The following EPC1 variants were observed in gnomAD, a reference collection of about 807,000 sequenced individuals.
EPC1 encodes enhancer of polycomb 1, also known as enhancer of polycomb homolog 1.
A neutral mutation model predicts 98.4 loss-of-function variants in EPC1; 12 were observed. The ratio of observed to expected loss-of-function variants is 0.12; its 90% CI spans 0.08 to 0.20. The LOEUF (loss-of-function observed/expected upper bound fraction) is 0.20. Among genes scored for constraint, EPC1 ranks in the 10% least tolerant of loss-of-function variants. EPC1 has a pLI of 1.00. For synonymous variants in EPC1, 357 were observed against 363.9 expected (o/e 0.98, Z 0.21); for missense variants, 729 against 990.5 (o/e 0.74, Z 3.54).
intron 6 of EPC1, among the ~76,000 whole-genome samples, chr10:32,288,763 T>C (rs192482857): frequency 1.3e-5 from 2 of 152,052 alleles, no homozygotes; most frequent in South Asian, 2.1e-4. Context: ...CAAAATCATG[T>C]AGGGCTCAGA....
chr10:32,296,191 T>C (rs1392654627), intron 2 of EPC1, among the ~76,000 whole-genome samples: 1 of 152,056 alleles, frequency 6.6e-6, no homozygotes, highest in Non-Finnish European at 1.5e-5. Flanking sequence ...CGCCCCGGCC[T>C]CCCGAAGTTC....
At chr10:32,343,604 A>C (rs1177596469) in intron 1 of EPC1, among the ~76,000 whole-genome samples, 1 of 151,948 alleles carries the variant, frequency 6.6e-6, no homozygotes, top group East Asian at 1.9e-4. Context: ...CAAATCCTTC[A>C]ATTTACCACA....
intron 13 of EPC1, 60 bp from the exon 14 acceptor site, chr10:32,269,195 A>C: frequency 7.0e-7 from 1 of 1,427,930 alleles, no homozygotes; most frequent in Non-Finnish European, 9.8e-7. Context: ...GCAAATGAAC[A>C]TTATCTTCCC....
At chr10:32,318,307 G>T (rs1564543965) in intron 1 of EPC1, among the ~76,000 whole-genome samples, 1 of 152,012 alleles carries the variant, frequency 6.6e-6, no homozygotes, top group African/African-American at 2.4e-5. Context: ...AAATGTGTCT[G>T]TTTTTTTCTA....
At chr10:32,374,172 AAT>A (rs569934678) in intron 1 of EPC1, 19 of 152,250 alleles carry the variant, frequency 1.2e-4, no homozygotes, top group South Asian at 2.1e-4. Flanking sequence ...CATAAATTAA[AAT>A]ATGTTTTTAT....
chr10:32,357,880 G>C (rs908130196), intron 1 of EPC1, among the ~76,000 whole-genome samples: 2 of 130,112 alleles, frequency 1.5e-5, no homozygotes, highest in African/African-American at 6.1e-5. Flanking sequence ...TTTTTAGACA[G>C]AGTCTCACTC....
intron 1 of EPC1, among the ~76,000 whole-genome samples, chr10:32,365,768 G>A (rs1182016509): frequency 2.3e-5 from 3 of 132,454 alleles, no homozygotes; most frequent in African/African-American, 2.9e-5. Flanking sequence ...GCACTGAGCC[G>A]AGATCACGCC....
intron 1 of EPC1, among the ~76,000 whole-genome samples, chr10:32,368,204 T>C (rs1231721426): frequency 6.6e-6 from 1 of 152,236 alleles, no homozygotes; most frequent in East Asian, 1.9e-4. Context: ...TTTCTGGCAA[T>C]TGACGCAAGC....
At chr10:32,354,719 G>T (rs1170877918) in intron 1 of EPC1, among the ~76,000 whole-genome samples, 1 of 151,700 alleles carries the variant, frequency 6.6e-6, no homozygotes, top group African/African-American at 2.4e-5. Flanking sequence ...ACACAGCACA[G>T]AAGTGGGTGG....
intron 1 of EPC1, among the ~76,000 whole-genome samples, chr10:32,335,033 G>A (rs1334142544): frequency 6.6e-6 from 1 of 152,176 alleles, no homozygotes; most frequent in Non-Finnish European, 1.5e-5. Flanking sequence ...TTGTGCAGCA[G>A]GAATGATAGG....
At chr10:32,346,046 A>G (rs1408735909) in intron 1 of EPC1, among the ~76,000 whole-genome samples, 1 of 152,212 alleles carries the variant, frequency 6.6e-6, no homozygotes, top group Non-Finnish European at 1.5e-5. Context: ...CTAGCTCTGG[A>G]GAGGGATGGA....
rs149107711 is a variant in EPC1, at chr10:32,305,135, T to C, written c.313+637A>G. ...TCACTGCTTATGAAGAACCTATCACTATTAAGTGAAATAAGTTCCCAATCA... is the reference window on the plus strand; with the variant it reads ...TCACTGCTTATGAAGAACCTATCACCATTAAGTGAAATAAGTTCCCAATCA... On this transcript the variant is annotated intron_variant, in intron 2 of 13. Coordinates refer to ENST00000319778, the MANE Select transcript of EPC1 (RefSeq NM_001272004.3). 4.0e-3 allele frequency among the ~76,000 whole-genome samples: 615 copies of C among 152,340 alleles called. 7 individuals carry two copies. Among genetic ancestry groups the C allele is most frequent in the African/African-American group, 0.014 (583 of 41,586 alleles).
At chr10:32,279,218 A>G (rs1009089292) in intron 10 of EPC1, among the ~76,000 whole-genome samples, 2 of 151,982 alleles carry the variant, frequency 1.3e-5, no homozygotes, top group African/African-American at 2.4e-5. Flanking sequence ...GCGTGGTGGC[A>G]CGCACCTGTA....
At chr10:32,347,319 CT>C, upstream of EPC1, 1 of 508,832 alleles carries the variant, frequency 2.0e-6, no homozygotes, top group Non-Finnish European at 2.6e-6. Context: ...CGCCTCGCTG[CT>C]CCGGGCCCCC....
At chr10:32,289,532 G>A (rs1297582843) in intron 6 of EPC1, among the ~76,000 whole-genome samples, 1 of 151,816 alleles carries the variant, frequency 6.6e-6, no homozygotes, top group Non-Finnish European at 1.5e-5. Flanking sequence ...ACCTGAGTGA[G>A]CATGATATTA....
intron 1 of EPC1, 47 bp downstream of exon 1, chr10:32,346,716 G>C (rs779279217): frequency 1.9e-6 from 3 of 1,569,040 alleles, no homozygotes; most frequent in African/African-American, 1.4e-5. Context: ...GCAGGCAGCA[G>C]AGGGAGCGGG....
chr10:32,326,804 C>G (rs1837305413), intron 1 of EPC1, among the ~76,000 whole-genome samples: 2 of 152,000 alleles, frequency 1.3e-5, no homozygotes, highest in African/African-American at 4.8e-5. Context: ...AAATGCTCAT[C>G]ATGACTAACC....
chr10:32,359,024 C>A (rs1439947818), intron 1 of EPC1, among the ~76,000 whole-genome samples: 1 of 152,146 alleles, frequency 6.6e-6, no homozygotes, highest in East Asian at 1.9e-4. Flanking sequence ...TTTACTGATG[C>A]TTAGCACAGT....
At chr10:32,330,170 G>A (rs1837557103) in intron 1 of EPC1, among the ~76,000 whole-genome samples, 1 of 152,188 alleles carries the variant, frequency 6.6e-6, no homozygotes, top group African/African-American at 2.4e-5. Flanking sequence ...GCCACTGGTT[G>A]TATTAAGAAT....
Sources: gnomAD v4.1 joint callset for allele counts (sites outside exome capture counted in the v4.1 genomes callset) on GRCh38, gnomAD v4.1.1 for gene constraint, MANE v1.5 for transcripts, NCBI Gene and HGNC (gene_info 2026-07-23, HGNC 2026-07-21) for gene names.